The following RPAP2 variants were observed in gnomAD, a reference collection of about 807,000 sequenced individuals.
RPAP2 encodes the protein putative RNA polymerase II subunit B1 CTD phosphatase RPAP2.
Under a neutral mutation model 73.1 loss-of-function variants are expected in RPAP2, and 52 were observed. That is an observed-to-expected ratio of 0.71 (90% confidence interval 0.57 to 0.90). The LOEUF (loss-of-function observed/expected upper bound fraction) is 0.90. Among genes scored for constraint, RPAP2 ranks in the 40% least tolerant of loss-of-function variants. RPAP2 has a pLI of 0.00. For synonymous variants in RPAP2, 225 were observed against 242.1 expected, an observed-to-expected ratio of 0.93 and a Z score of 0.65; for missense variants, 598 against 701.8, an observed-to-expected ratio of 0.85 and a Z score of 1.67.
intron 6 of RPAP2, among the ~76,000 whole-genome samples, chr1:92,315,945 A>G (rs1180315663): frequency 6.6e-6 from 1 of 152,134 alleles, no homozygotes; most frequent in Non-Finnish European, 1.5e-5. Context: ...TTTTTCACCC[A>G]CTTGGTGGCC....
chr1:92,302,417 A>G (rs1409871274), intron 3 of RPAP2, among the ~76,000 whole-genome samples: 2 of 151,300 alleles, frequency 1.3e-5, no homozygotes, highest in Non-Finnish European at 2.9e-5. Context: ...ATTTTCTTCA[A>G]TTTGTTCTAA....
rs1383461469 is a variant in RPAP2, at chr1:92,400,757, C to CT, written c.*13747dup. On this transcript the variant is annotated 3_prime_UTR_variant, in exon 13 of 13. Transcript: ENST00000610020. ...CTGGAAAAAGAGTTTGGAAAAAGAACTCTGTGGCTTTAGGAATTTCTCTCG... is the reference window on the plus strand; with the variant it reads ...CTGGAAAAAGAGTTTGGAAAAAGAACTTCTGTGGCTTTAGGAATTTCTCTCG... 5.9e-5 allele frequency: 9 copies of CT among 152,330 alleles called. No homozygotes were observed. In the East Asian group the frequency reaches 1.5e-3, roughly 26 times the overall value. The allele number at this position is 152,330 out of a possible 1,614,324, so 9.4% of individuals were successfully genotyped here. A position where few individuals can be genotyped will look rare whatever the true frequency, so the allele number is the denominator to read the frequency against.
At chr1:92,306,577 A>G (rs1651250238) in intron 5 of RPAP2, among the ~76,000 whole-genome samples, 1 of 152,178 alleles carries the variant, frequency 6.6e-6, no homozygotes, top group Admixed American at 6.5e-5. Flanking sequence ...AAACAAAAGA[A>G]GTGGCTAGGT....
intron 5 of RPAP2, among the ~76,000 whole-genome samples, chr1:92,305,763 C>T (rs1651188536): frequency 6.6e-6 from 1 of 151,958 alleles, no homozygotes; most frequent in Admixed American, 6.6e-5. Flanking sequence ...AGAGAAATAG[C>T]AAATAAAAAC....
In RPAP2 at chr1:92,400,821, G is replaced by A. The variant is rs1656298175; in HGVS notation, c.*13810G>A. 1 of 152,204 alleles carries A rather than the reference G, an allele frequency of 6.6e-6. No homozygotes were observed. Among genetic ancestry groups the A allele is most frequent in the African/African-American group, 2.4e-5 (1 of 41,440 alleles). The allele number at this position is 152,204 out of a possible 1,614,324, so 9.4% of individuals were successfully genotyped here. A position where few individuals can be genotyped will look rare whatever the true frequency, so the allele number is the denominator to read the frequency against. Reference sequence around the variant, plus strand: ...GCAGAGAAGGAAAATTTACCAAATGGGAGAGTGTATTAGTCTATTCTTACA... The same window carrying A: ...GCAGAGAAGGAAAATTTACCAAATGAGAGAGTGTATTAGTCTATTCTTACA... On this transcript the variant is annotated 3_prime_UTR_variant, in exon 13 of 13. Coordinates refer to ENST00000610020, the MANE Select transcript of RPAP2 (RefSeq NM_024813.3).
chr1:92,303,764 TTAA>T (rs1182427370), intron 3 of RPAP2, among the ~76,000 whole-genome samples: 1 of 152,186 alleles, frequency 6.6e-6, no homozygotes, highest in East Asian at 1.9e-4. Context: ...AGAAATTTTT[TTAA>T]TAATAACTTT....
intron 11 of RPAP2, among the ~76,000 whole-genome samples, chr1:92,363,300 G>A (rs553998849): frequency 6.6e-6 from 1 of 152,294 alleles, no homozygotes; most frequent in Admixed American, 6.5e-5. Flanking sequence ...ATAATTTGAA[G>A]CTGCGGGCAA....
In RPAP2 at chr1:92,320,611, T is replaced by G. The variant is rs753401340; in HGVS notation, c.501T>G (p.Phe167Leu). ...WVREEERHPD[F>L]QLLKEEQSGH... ...GTTCTTATTACAGGCATCCTGATTTTCAACTGCTAAAGGAAGAACAAAGGT... is the reference window on the plus strand; with the variant it reads ...GTTCTTATTACAGGCATCCTGATTTGCAACTGCTAAAGGAAGAACAAAGGT... Residue 167 changes from phenylalanine to leucine, a missense_variant, in exon 7 of 13, where the codon TTT (phenylalanine) becomes TTG (leucine). By Grantham distance (22) the Phe-to-Leu change is conservative. This residue lies in a region of RPAP2 where 506 missense variants were observed against 612.8 expected (regional missense o/e 0.83). Coordinates refer to ENST00000610020, the MANE Select transcript of RPAP2 (RefSeq NM_024813.3). 2.5e-6 allele frequency: 4 copies of G among 1,611,494 alleles called. No homozygotes were observed. The Admixed American group carries it at 6.7e-5, about 27-fold the overall frequency.
In RPAP2 at chr1:92,388,854, T is replaced by C. The variant is rs570678023; in HGVS notation, c.*1843T>C. ...CATTGCTGAGGCTTGAGTAGGCGGTTCTATGCTCACAGTGTAAACAAAGCA... is the reference window on the plus strand; with the variant it reads ...CATTGCTGAGGCTTGAGTAGGCGGTCCTATGCTCACAGTGTAAACAAAGCA... On this transcript the variant is annotated 3_prime_UTR_variant, in exon 13 of 13. Transcript: ENST00000610020. 4 of 152,286 alleles carry C rather than the reference T, an allele frequency of 2.6e-5. No homozygotes were observed. The highest frequency in any genetic ancestry group is 9.6e-5 in the African/African-American group (4 of 41,520). 9.4% of individuals were successfully genotyped at this position (152,286 alleles called of 1,614,324 possible).
intron 10 of RPAP2, among the ~76,000 whole-genome samples, chr1:92,339,007 A>C (rs868345373): frequency 6.6e-6 from 1 of 152,192 alleles, no homozygotes; most frequent in Admixed American, 6.5e-5. Context: ...TGCTGTACAT[A>C]TCAGAAAAGA....
At chr1:92,299,512 T>C (rs1650635064) in intron 1 of RPAP2, among the ~76,000 whole-genome samples, 1 of 152,068 alleles carries the variant, frequency 6.6e-6, no homozygotes, top group Admixed American at 6.5e-5. Flanking sequence ...TCCAGATTGC[T>C]TGGGTGCCCA....
intron 11 of RPAP2, among the ~76,000 whole-genome samples, chr1:92,377,923 T>C (rs766923589): frequency 1.3e-5 from 2 of 152,224 alleles, no homozygotes; most frequent in Non-Finnish European, 2.9e-5. Context: ...ACTAAGGCAG[T>C]TGATAGAGGG....
rs1652455244 is a variant in RPAP2 at position 92,323,760 on chromosome 1, TAGTC to T, written c.843_846del (p.Ser281ArgfsTer14). 4.3e-6 allele frequency: 7 copies of T among 1,614,068 alleles called. No individual in the cohort carries two copies. In the East Asian group the frequency reaches 8.9e-5, roughly 21 times the overall value. On this transcript the variant is annotated frameshift_variant, in exon 8 of 13. Transcript: ENST00000610020. LOFTEE classifies it high-confidence loss of function. ...AGCAGTTAGGCGATTGCAAATTAGA[TAGTC>T]AGGAGAAAGATGCTACATGTGAACT...
Position 92,395,236 on chromosome 1 carries a change from T to C in RPAP2, c.*8225T>C, listed in dbSNP as rs561171726. On this transcript the variant is annotated 3_prime_UTR_variant, in exon 13 of 13. Coordinates refer to ENST00000610020, the MANE Select transcript of RPAP2 (RefSeq NM_024813.3). ...AACATGGGAGAAAACCTAGATGACC[T>C]TGGTTTAGGAAGAATTCTTAAGACA... The C allele has an allele frequency of 2.6e-5, 4 of 152,252 alleles. No homozygotes were observed. The East Asian group carries it at 7.7e-4, about 29-fold the overall frequency. 9.4% of individuals were successfully genotyped at this position (152,252 alleles called of 1,614,324 possible).
At position 92,391,844 on chromosome 1, in the gene RPAP2, ATC is replaced by A. The variant is rs1393156871; in HGVS notation, c.*4837_*4838del. 6.6e-6 allele frequency: 1 copy of A among 152,200 alleles called. No homozygotes were observed. The highest frequency in any genetic ancestry group is 1.5e-5 in the Non-Finnish European group (1 of 68,038). The allele number at this position is 152,200 out of a possible 1,614,324, so 9.4% of individuals were successfully genotyped here. ...CAAGACTAAACCAGGAAGAAGTTGAATCTCTGAATAAACCAGTAACAGGTTCT... is the reference window on the plus strand; with the variant it reads ...CAAGACTAAACCAGGAAGAAGTTGAATCTGAATAAACCAGTAACAGGTTCT... On this transcript the variant is annotated 3_prime_UTR_variant, in exon 13 of 13. Coordinates refer to ENST00000610020, the MANE Select transcript of RPAP2 (RefSeq NM_024813.3).
intron 11 of RPAP2, among the ~76,000 whole-genome samples, chr1:92,372,424 C>G (rs1280793608): frequency 1.3e-5 from 2 of 152,164 alleles, no homozygotes; most frequent in Non-Finnish European, 2.9e-5. Flanking sequence ...CCAGACAACA[C>G]TGAATTCCAG....
intron 9 of RPAP2, among the ~76,000 whole-genome samples, chr1:92,334,141 T>C (rs1435243564): frequency 6.6e-6 from 1 of 152,196 alleles, no homozygotes; most frequent in Non-Finnish European, 1.5e-5. Flanking sequence ...GTGTCAGTCA[T>C]TATTTAAGGG....
chr1:92,332,111 G>A (rs1171761521), intron 8 of RPAP2, among the ~76,000 whole-genome samples: 6 of 150,864 alleles, frequency 4.0e-5, no homozygotes, highest in Admixed American at 6.6e-5. Flanking sequence ...CTTCTCTTTA[G>A]TCTTTTTTTT....
intron 10 of RPAP2, among the ~76,000 whole-genome samples, 166 bp from the exon 11 acceptor site, chr1:92,345,680 A>G (rs1212670707): frequency 1.3e-5 from 2 of 152,168 alleles, no homozygotes; most frequent in African/African-American, 4.8e-5. Flanking sequence ...GATAGTGACT[A>G]TTGAGCCACA....
Sources: allele counts gnomAD v4.1 joint callset (sites outside exome capture counted in the v4.1 genomes callset), GRCh38; gene constraint gnomAD v4.1.1; regional missense constraint gnomAD v4.1.1; transcripts MANE v1.5; gene names NCBI Gene and HGNC (gene_info 2026-07-23, HGNC 2026-07-21).